Variants in DPP6 observed in about 807,000 individuals in gnomAD.
The protein encoded by DPP6 is dipeptidyl peptidase like 6.
In DPP6, 69 loss-of-function variants were observed where a neutral mutation model predicts 122.6. That is an observed-to-expected ratio of 0.56 (90% CI 0.46 to 0.69). DPP6 has a LOEUF of 0.69. DPP6 is among the 30% of genes least tolerant of loss of function. The pLI, the probability that DPP6 is intolerant of heterozygous loss-of-function variation, is 0.00. For missense variants in DPP6, 928 were observed against 1,116.9 expected (o/e 0.83, Z 2.41); for synonymous variants, 418 against 433.1 (o/e 0.97, Z 0.43).
At chr7:154,579,345 G>A (rs561445300) in intron 5 of DPP6, among the ~76,000 whole-genome samples, 7 of 151,926 alleles carry the variant, frequency 4.6e-5, no homozygotes, top group African/African-American at 1.2e-4. Context: ...GCAAAACTCC[G>A]TCTCAAAATA....
At chr7:154,346,003 G>A (rs1293315041) in intron 1 of DPP6, among the ~76,000 whole-genome samples, 5 of 152,156 alleles carry the variant, frequency 3.3e-5, no homozygotes, top group African/African-American at 4.8e-5. Flanking sequence ...AAGGTGAGCC[G>A]ATTCTTTCTG....
chr7:154,336,833 A>G (rs1490091664), intron 1 of DPP6, among the ~76,000 whole-genome samples: 2 of 152,080 alleles, frequency 1.3e-5, no homozygotes, highest in Non-Finnish European at 2.9e-5. Flanking sequence ...GGCAGGCTCC[A>G]TGCAGAGCAG....
At chr7:154,172,499 ATCTTGGTC>A (rs1797585279) in intron 1 of DPP6, among the ~76,000 whole-genome samples, 1 of 152,158 alleles carries the variant, frequency 6.6e-6, no homozygotes, top group African/African-American at 2.4e-5. Context: ...AAAACTTTCA[ATCTTGGTC>A]TGCTTGCCCT....
At chr7:154,712,726 C>T (rs779763267) in intron 7 of DPP6, among the ~76,000 whole-genome samples, 1 of 152,166 alleles carries the variant, frequency 6.6e-6, no homozygotes, top group Non-Finnish European at 1.5e-5. Flanking sequence ...CCCCATGATT[C>T]AATTATCTCT....
rs184672492 is a variant in DPP6, at chr7:154,701,570, G to A, written c.763-26197G>A. On this transcript the variant is annotated intron_variant, in intron 7 of 25. Coordinates refer to ENST00000377770, the MANE Select transcript of DPP6 (RefSeq NM_130797.4). ...CAGGCTGAGTGCACTGTGAATTAGC[G>A]TGGTGTGCGGGGAGTTACTGGAGTA... Among the ~76,000 whole-genome samples the A allele has an allele frequency of 1.2e-4, 18 of 152,310 alleles. No individual in the cohort carries two copies. The South Asian group carries it at 1.2e-3, about 11-fold the overall frequency.
intron 7 of DPP6, among the ~76,000 whole-genome samples, chr7:154,711,533 C>T (rs7791603): frequency 0.048 from 7,381 of 152,234 alleles, 561 homozygotes; most frequent in African/African-American, 0.16. Context: ...TAGAGATCAT[C>T]CAACCCAACC....
At chr7:154,035,841 G>T (rs1035038800) in intron 1 of DPP6, among the ~76,000 whole-genome samples, 2 of 152,156 alleles carry the variant, frequency 1.3e-5, no homozygotes, top group Non-Finnish European at 2.9e-5. Context: ...ATATTTATTA[G>T]CTCTATTGAT....
At chr7:154,837,410 ACACGTGTATGCATACAGACACATT>A (rs1294313324) in intron 16 of DPP6, among the ~76,000 whole-genome samples, 2 of 151,970 alleles carry the variant, frequency 1.3e-5, no homozygotes, top group Non-Finnish European at 2.9e-5. Context: ...ATGCATGTTC[ACACGTGTATGCATACAGACACATT>A]CACGTGCATG....
chr7:154,225,297 G>A (rs73487458), intron 1 of DPP6, among the ~76,000 whole-genome samples: 6,980 of 152,114 alleles, frequency 0.046, 274 homozygotes, highest in African/African-American at 0.11. Flanking sequence ...AGAATAGTCT[G>A]CAAAAATTTA....
At chr7:154,468,565 G>T (rs868474341) in intron 2 of DPP6, among the ~76,000 whole-genome samples, 1 of 152,128 alleles carries the variant, frequency 6.6e-6, no homozygotes, top group Non-Finnish European at 1.5e-5. Flanking sequence ...TGCCTAATGC[G>T]GTAACTCACT....
At chr7:154,591,865 T>G (rs1205729989) in intron 5 of DPP6, among the ~76,000 whole-genome samples, 1 of 152,238 alleles carries the variant, frequency 6.6e-6, no homozygotes. Context: ...TGCTAGACTG[T>G]GCGTCTGTGT....
the DPP6 span, among the ~76,000 whole-genome samples, chr7:153,842,844 AG>A: frequency 6.6e-6 from 1 of 152,214 alleles, no homozygotes; most frequent in Non-Finnish European, 1.5e-5. Flanking sequence ...AGAACACAGG[AG>A]GTGTTCTGAT....
intron 1 of DPP6, among the ~76,000 whole-genome samples, chr7:154,144,854 G>A (rs1009877095): frequency 2.6e-5 from 4 of 150,972 alleles, no homozygotes; most frequent in East Asian, 2.0e-4. Flanking sequence ...TCTGCAAACC[G>A]GGAAGAGAGC....
intron 10 of DPP6, among the ~76,000 whole-genome samples, chr7:154,792,263 C>T (rs1260376770): frequency 1.3e-5 from 2 of 152,270 alleles, no homozygotes; most frequent in Non-Finnish European, 1.5e-5. Flanking sequence ...GGCTCTCACA[C>T]ACGTCCCATG....
chr7:154,136,852 T>C (rs1185710455), intron 1 of DPP6, among the ~76,000 whole-genome samples: 2 of 152,260 alleles, frequency 1.3e-5, no homozygotes, highest in Non-Finnish European at 2.9e-5. Flanking sequence ...CAGAAATGGC[T>C]GCAAGTGCAA....
intron 5 of DPP6, among the ~76,000 whole-genome samples, chr7:154,583,437 C>T (rs1196466214): frequency 1.3e-5 from 2 of 152,200 alleles, no homozygotes; most frequent in African/African-American, 4.8e-5. Flanking sequence ...GCCTCCTGGC[C>T]ACTTAGGAGG....
At chr7:154,537,952 C>G (rs1828397534) in intron 3 of DPP6, among the ~76,000 whole-genome samples, 1 of 151,902 alleles carries the variant, frequency 6.6e-6, no homozygotes, top group Non-Finnish European at 1.5e-5. Flanking sequence ...AGAGCCAAGA[C>G]AGCATGGACT....
chr7:153,839,783 T>C, the DPP6 span, among the ~76,000 whole-genome samples: 5 of 152,198 alleles, frequency 3.3e-5, no homozygotes, highest in African/African-American at 1.2e-4. Flanking sequence ...GGAAAACAGC[T>C]TGCTGGGAAC....
At chr7:154,719,011 A>G (rs1841653503) in intron 7 of DPP6, among the ~76,000 whole-genome samples, 1 of 152,144 alleles carries the variant, frequency 6.6e-6, no homozygotes, top group Admixed American at 6.5e-5. Flanking sequence ...GTGTCTGAAC[A>G]TCTTGGGACT....
Sources: allele counts gnomAD v4.1 joint callset (sites outside exome capture counted in the v4.1 genomes callset), GRCh38; gene constraint gnomAD v4.1.1; transcripts MANE v1.5; gene names NCBI Gene and HGNC (gene_info 2026-07-23, HGNC 2026-07-21).